SRC: variants seen among roughly 807,000 people sequenced by gnomAD.
SRC encodes the protein SRC proto-oncogene, non-receptor tyrosine kinase, also known as proto-oncogene tyrosine-protein kinase Src.
In SRC, 13 loss-of-function variants were observed where a neutral mutation model predicts 62.9. That is an observed-to-expected ratio of 0.21 (90% CI 0.13 to 0.33). The LOEUF (loss-of-function observed/expected upper bound fraction) is 0.33, where lower values mean the gene tolerates loss of function less well. Ranked by LOEUF, SRC falls within the 10% of genes least tolerant of loss-of-function variation. SRC has a pLI of 1.00. For missense variants in SRC, 457 were observed against 737.3 expected (o/e 0.62, Z 4.40); for synonymous variants, 302 against 317.5 (o/e 0.95, Z 0.52).
chr20:37,392,567 G>A (rs1404104166), intron 5 of SRC, among the ~76,000 whole-genome samples: 1 of 152,176 alleles, frequency 6.6e-6, no homozygotes, highest in African/African-American at 2.4e-5. Flanking sequence ...GGATTGAGAA[G>A]AGCCCAGCAA....
In SRC at chr20:37,384,385, A is replaced by AGGGCGGGCCCGCTGGCCGGTCAGTGCGC; in HGVS notation, c.239_250+16dup. The AGGGCGGGCCCGCTGGCCGGTCAGTGCGC allele has an allele frequency of 7.0e-7, 1 of 1,435,142 alleles. No individual in the cohort carries two copies. Among genetic ancestry groups the AGGGCGGGCCCGCTGGCCGGTCAGTGCGC allele is most frequent in the Non-Finnish European group, 9.1e-7 (1 of 1,099,332 alleles). 88.9% of individuals were successfully genotyped at this position (1,435,142 alleles called of 1,614,324 possible). On this transcript the variant is annotated frameshift_variant, in exon 4 of 14. Coordinates refer to ENST00000373578, the MANE Select transcript of SRC (RefSeq NM_198291.3). LOFTEE classifies it high-confidence loss of function. This position sits in a 1 kb window ranked among gnomAD's most constrained non-coding sequence, Gnocchi z 6.7. Reference sequence around the variant, plus strand: ...CTCGGACACCGTCACCTCCCCGCAGAGGGCGGGCCCGCTGGCCGGTCAGTG... The same window carrying AGGGCGGGCCCGCTGGCCGGTCAGTGCGC: ...CTCGGACACCGTCACCTCCCCGCAGAGGGCGGGCCCGCTGGCCGGTCAGTGCGCGGGCGGGCCCGCTGGCCGGTCAGTG...
At position 37,403,521 on chromosome 20, in the gene SRC, G is replaced by C. The variant is rs2070776468; in HGVS notation, c.*142G>C. The C allele has an allele frequency of 1.0e-6, 1 of 1,000,164 alleles. No individual in the cohort carries two copies. Among genetic ancestry groups the C allele is most frequent in the African/African-American group, 1.6e-5 (1 of 61,454 alleles). The allele number at this position is 1,000,164 out of a possible 1,614,324, so 62.0% of individuals were successfully genotyped here. ...GCCAGGGGCGAGGCCCTTCCTCTTT[G>C]GTGGCATGGAAGGGGCTTCTGGACC... On this transcript the variant is annotated 3_prime_UTR_variant, in exon 14 of 14. Coordinates refer to ENST00000373578, the MANE Select transcript of SRC (RefSeq NM_198291.3). This position sits in a 1 kb window ranked among gnomAD's most constrained non-coding sequence, Gnocchi z 7.1.
rs2070406592 is a variant in SRC, at chr20:37,384,067, A to G, written c.-4-83A>G. The stretch of plus-strand genomic sequence containing the variant: ...CCTCTCCTTGGGCCTCGTTTTCCCT[A>G]TCTGTGGAATGGGTGGGAGGGAGGC... On this transcript the variant is annotated intron_variant, in intron 3 of 13. Coordinates refer to ENST00000373578, the MANE Select transcript of SRC (RefSeq NM_198291.3). This position sits in a 1 kb window ranked among gnomAD's most constrained non-coding sequence, Gnocchi z 6.7. The G allele has an allele frequency of 8.4e-6, 13 of 1,538,664 alleles. No homozygotes were observed. The highest frequency in any genetic ancestry group is 3.4e-4 in the Middle Eastern group (2 of 5,844).
chr20:37,373,443 A>G (rs904812423), intron 2 of SRC, among the ~76,000 whole-genome samples: 3 of 94,958 alleles, frequency 3.2e-5, no homozygotes, highest in Non-Finnish European at 5.8e-5. Flanking sequence ...ATACGCATAT[A>G]TACGCATATA....
chr20:37,368,514 TTTTC>T (rs2070100989), intron 2 of SRC, among the ~76,000 whole-genome samples: 1 of 130,582 alleles, frequency 7.7e-6, no homozygotes, highest in Admixed American at 7.3e-5. Flanking sequence ...TATGCCTATA[TTTTC>T]TTTTTTTTTT....
intron 7 of SRC, 94 bp downstream of exon 7, chr20:37,394,371 T>G: frequency 8.7e-7 from 1 of 1,154,308 alleles, no homozygotes; most frequent in East Asian, 2.4e-5. Context: ...GTTTGTGGAG[T>G]AGGGAGGGAA....
Position 37,403,041 on chromosome 20 carries a change from G to A in SRC, c.1403-130G>A. 7.7e-7 allele frequency: 1 copy of A among 1,304,690 alleles called. No homozygotes were observed. Among genetic ancestry groups the A allele is most frequent in the Non-Finnish European group, 1.0e-6 (1 of 972,998 alleles). 80.8% of individuals were successfully genotyped at this position (1,304,690 alleles called of 1,614,324 possible). A position where few individuals can be genotyped will look rare whatever the true frequency, so the allele number is the denominator to read the frequency against. ...TCGATGGTCCATGCTCTCAGCTTCG[G>A]GGACAGGACTTATCTATGGTCACTC... is the stretch of plus-strand genomic sequence containing the variant. On this transcript the variant is annotated intron_variant, in intron 13 of 13. Coordinates refer to ENST00000373578, the MANE Select transcript of SRC (RefSeq NM_198291.3). The surrounding 1 kb of genome is among the most constrained non-coding windows in gnomAD (Gnocchi z 7.1).
intron 2 of SRC, among the ~76,000 whole-genome samples, chr20:37,376,081 G>T (rs970985172): frequency 6.6e-6 from 1 of 152,196 alleles, no homozygotes. Context: ...GTGAATCTGG[G>T]GTGGGGGATG....
At position 37,404,316 on chromosome 20, in the gene SRC, AG is replaced by A. The variant is rs1389061442; in HGVS notation, c.*939del. ...GGCTGAGCTGGGGAATCAGGGTAAA[AG>A]GTGCAGGTGTGGAGAGAGAGGCTTC... On this transcript the variant is annotated 3_prime_UTR_variant, in exon 14 of 14. Transcript: ENST00000373578. The A allele has an allele frequency of 5.6e-5, 13 of 233,432 alleles. No individual in the cohort carries two copies. The highest frequency in any genetic ancestry group is 9.3e-5 in the Non-Finnish European group (11 of 118,036). The allele number at this position is 233,432 out of a possible 1,614,324, so 14.5% of individuals were successfully genotyped here.
chr20:37,378,898 C>A (rs2070316804), intron 2 of SRC, among the ~76,000 whole-genome samples: 1 of 151,792 alleles, frequency 6.6e-6, no homozygotes, highest in Admixed American at 6.6e-5. Flanking sequence ...TACCCCGGGG[C>A]TCCCCAAGGG....
intron 2 of SRC, among the ~76,000 whole-genome samples, chr20:37,380,489 A>G (rs1404883093): frequency 6.6e-6 from 1 of 152,266 alleles, no homozygotes; most frequent in African/African-American, 2.4e-5. Flanking sequence ...CAAAGTACTT[A>G]GAGCAAGGTC....
chr20:37,373,257 CAT>C (rs756195294), intron 2 of SRC, among the ~76,000 whole-genome samples: 4 of 78,222 alleles, frequency 5.1e-5, no homozygotes, highest in Non-Finnish European at 9.0e-5. Context: ...CACGCACACA[CAT>C]GTACATACGC....
intron 1 of SRC, among the ~76,000 whole-genome samples, chr20:37,348,419 C>T (rs186968594): frequency 9.1e-4 from 139 of 152,308 alleles, no homozygotes; most frequent in South Asian, 1.7e-3. Context: ...TTTCTCAAAC[C>T]TCCCCATGTA....
chr20:37,379,393 AAGTGCAAGGAT>A (rs2070327056), intron 2 of SRC, among the ~76,000 whole-genome samples: 2 of 152,062 alleles, frequency 1.3e-5, no homozygotes, highest in Non-Finnish European at 2.9e-5. Context: ...CAGAACCAGG[AAGTGCAAGGAT>A]AGAGCTCTGT....
intron 1 of SRC, among the ~76,000 whole-genome samples, chr20:37,354,906 C>T (rs1011366235): frequency 6.6e-5 from 10 of 152,212 alleles, no homozygotes; most frequent in African/African-American, 7.2e-5. Context: ...TTGATGTGCT[C>T]ATTCTCCCCA....
intron 5 of SRC, among the ~76,000 whole-genome samples, chr20:37,392,042 A>G (rs2070559441): frequency 6.6e-6 from 1 of 152,058 alleles, no homozygotes; most frequent in South Asian, 2.1e-4. Flanking sequence ...TGGGTGTACA[A>G]CAAGGAGGTG....
chr20:37,359,859 G>A (rs1035153148), intron 1 of SRC, among the ~76,000 whole-genome samples: 6 of 152,176 alleles, frequency 3.9e-5, no homozygotes, highest in South Asian at 4.1e-4. Flanking sequence ...GTGGCGGTTC[G>A]CTCAGTCTGG....
intron 1 of SRC, among the ~76,000 whole-genome samples, chr20:37,363,633 G>T (rs1450672211): frequency 6.6e-6 from 1 of 152,224 alleles, no homozygotes; most frequent in Non-Finnish European, 1.5e-5. Context: ...CCGGGCGGGA[G>T]GATGTGAAGG....
At chr20:37,386,274 G>GAGCCCAGGGCAGTGCGA (rs1276584614) in intron 5 of SRC, 100 bp downstream of exon 5, 2 of 1,192,290 alleles carry the variant, frequency 1.7e-6, no homozygotes, top group African/African-American at 1.6e-5. Flanking sequence ...GCACAGTGCA[G>GAGCCCAGGGCAGTGCGA]AGCCCAGGGC....
Sources: allele counts gnomAD v4.1 joint callset (sites outside exome capture counted in the v4.1 genomes callset), GRCh38; gene constraint gnomAD v4.1.1; non-coding constraint Gnocchi (gnomAD v3.1); transcripts MANE v1.5; gene names NCBI Gene and HGNC (gene_info 2026-07-23, HGNC 2026-07-21).